Variants in AHR observed in about 807,000 individuals in gnomAD.
The protein encoded by AHR is AH-receptor.
AHR carries 40 observed loss-of-function variants against 86.8 expected under a neutral mutation model. The observed-to-expected ratio is 0.46, with a 90% confidence interval of 0.36 to 0.60. The LOEUF (loss-of-function observed/expected upper bound fraction) is 0.60. Ranked by LOEUF, AHR falls within the 20% of genes least tolerant of loss-of-function variation. AHR has a pLI of 0.00. For synonymous variants in AHR, 398 were observed against 354.9 expected (o/e 1.12, Z -1.37); for missense variants, 1,001 against 1,011.6 (o/e 0.99, Z 0.14).
chr7:17,306,502 T>C lies in AHR; in HGVS notation c.66-3434T>C, dbSNP rs2282884. Among the ~76,000 whole-genome samples the C allele has an allele frequency of 7.4e-3, 1,131 of 152,274 alleles. 45 individuals are homozygous for C. In the South Asian group the frequency reaches 0.11, roughly 15 times the overall value. On this transcript the variant is annotated intron_variant, in intron 1 of 10. Coordinates refer to ENST00000242057, the MANE Select transcript of AHR (RefSeq NM_001621.5). ...GTGTATTTGACTTTCTTCCTCTGTG[T>C]ATTTGACTTTCTTCTATGACCTCCA...
intron 2 of AHR, among the ~76,000 whole-genome samples, chr7:17,315,790 T>C (rs533138746): frequency 6.6e-6 from 1 of 151,908 alleles, no homozygotes; most frequent in Non-Finnish European, 1.5e-5. Flanking sequence ...AAGAAATTTT[T>C]ATTTGGTAAT....
At chr7:17,313,996 T>C (rs1469500045) in intron 2 of AHR, among the ~76,000 whole-genome samples, 1 of 152,162 alleles carries the variant, frequency 6.6e-6, no homozygotes, top group African/African-American at 2.4e-5. Context: ...CAGCATATCT[T>C]TAATACAATT....
intron 10 of AHR, among the ~76,000 whole-genome samples, chr7:17,340,850 C>T (rs747436552): frequency 6.6e-6 from 1 of 152,028 alleles, no homozygotes; most frequent in Non-Finnish European, 1.5e-5. Context: ...TTCTGGCTTT[C>T]TTAAAAGAGG....
chr7:17,317,120 T>TTTG (rs993070554), intron 2 of AHR, among the ~76,000 whole-genome samples: 3 of 149,762 alleles, frequency 2.0e-5, no homozygotes, highest in Non-Finnish European at 3.0e-5. Context: ...AATTTTGTTT[T>TTTG]TTTTTTTTTT....
At chr7:17,327,155 A>G (rs1782238534) in intron 3 of AHR, among the ~76,000 whole-genome samples, 1 of 152,088 alleles carries the variant, frequency 6.6e-6, no homozygotes. Flanking sequence ...CACATATAAA[A>G]TGATAAATTT....
chr7:17,338,913 C>T (rs951921533), intron 9 of AHR, 73 bp from the exon 10 acceptor site: 41 of 1,378,470 alleles, frequency 3.0e-5, no homozygotes, highest in Non-Finnish European at 3.7e-5. Context: ...TTATGTTTTT[C>T]TTTTTTAAAT....
At chr7:17,322,040 C>G (rs905093130) in intron 2 of AHR, among the ~76,000 whole-genome samples, 1 of 151,810 alleles carries the variant, frequency 6.6e-6, no homozygotes, top group African/African-American at 2.4e-5. Context: ...TGTATAGTTG[C>G]TTTTTTTCTC....
In AHR at chr7:17,335,796, A is replaced by C. The variant is rs182175005; in HGVS notation, c.1160+10A>C. On this transcript the variant is annotated intron_variant, in intron 9 of 10. Transcript: ENST00000242057. ...CTCAGAGACCACTAACGTAAGCACA[A>C]ATAATGTTTCCTGTTTTAACAGTTT... 1 of 1,607,240 alleles carries C rather than the reference A, an allele frequency of 6.2e-7. No homozygotes were observed. Among genetic ancestry groups the C allele is most frequent in the Non-Finnish European group, 8.5e-7 (1 of 1,177,682 alleles).
At chr7:17,337,392 T>G (rs1782364468) in intron 9 of AHR, among the ~76,000 whole-genome samples, 1 of 152,114 alleles carries the variant, frequency 6.6e-6, no homozygotes, top group African/African-American at 2.4e-5. Context: ...TATACATTTG[T>G]TGATATTTTA....
chr7:17,325,781 T>TG (rs974213330), intron 3 of AHR, among the ~76,000 whole-genome samples: 1 of 152,018 alleles, frequency 6.6e-6, no homozygotes, highest in Non-Finnish European at 1.5e-5. Flanking sequence ...CAACACACAC[T>TG]GGGGCCGTTT....
intron 1 of AHR, among the ~76,000 whole-genome samples, chr7:17,308,700 A>C (rs368227729): frequency 5.7e-5 from 8 of 139,508 alleles, no homozygotes; most frequent in African/African-American, 1.8e-4. Flanking sequence ...TACATACATA[A>C]ACACACACAC....
intron 9 of AHR, chr7:17,336,150 A>G (rs1782352560): frequency 6.0e-6 from 1 of 165,600 alleles, no homozygotes; most frequent in African/African-American, 2.4e-5. Context: ...CATGCTGCAG[A>G]TGAGTCCTTT....
At position 17,334,100 on chromosome 7, in the gene AHR, T is replaced by C; in HGVS notation, c.894T>C (p.Ile298=). 1.2e-6 allele frequency: 2 copies of C among 1,612,826 alleles called. No individual in the cohort carries two copies. Among genetic ancestry groups the C allele is most frequent in the Non-Finnish European group, 1.7e-6 (2 of 1,179,026 alleles). The change falls in exon 7 of 11, where the codon ATT becomes ATC. Residue 298 remains isoleucine, a synonymous_variant. Transcript: ENST00000242057. ...AACACAAACTAGACTTCACACCTAT[T>C]GGTTGTGATGCCAAGTAAGTGAGAC... The part of the protein sequence containing the change: ...RTKHKLDFTP[I]GCDAKGRIVL...
rs1310427374 is a variant in AHR at position 17,344,237 on chromosome 7, C to T, written c.*1173C>T. On this transcript the variant is annotated 3_prime_UTR_variant, in exon 11 of 11. Transcript: ENST00000242057. ...AACAGTGGAAACTATGTGTTTTTCTCATATTTGAGGAGTGTTAAGATTGCA... is the reference window on the plus strand; with the variant it reads ...AACAGTGGAAACTATGTGTTTTTCTTATATTTGAGGAGTGTTAAGATTGCA... 1.3e-5 allele frequency: 2 copies of T among 152,676 alleles called. No homozygotes were observed. Among genetic ancestry groups the T allele is most frequent in the East Asian group, 1.9e-4 (1 of 5,336 alleles). 9.5% of individuals were successfully genotyped at this position (152,676 alleles called of 1,614,324 possible).
At chr7:17,308,248 C>T (rs896969215) in intron 1 of AHR, among the ~76,000 whole-genome samples, 1 of 152,152 alleles carries the variant, frequency 6.6e-6, no homozygotes, top group African/African-American at 2.4e-5. Context: ...CCTCTCCCTT[C>T]ATGTGGGGGA....
At chr7:17,318,247 T>C (rs925851371) in intron 2 of AHR, among the ~76,000 whole-genome samples, 1 of 151,978 alleles carries the variant, frequency 6.6e-6, no homozygotes, top group African/African-American at 2.4e-5. Flanking sequence ...ATTCAAAGCA[T>C]GTGATATGAA....
chr7:17,299,440 T>G, intron 1 of AHR, 111 bp downstream of exon 1: 2 of 1,197,874 alleles, frequency 1.7e-6, no homozygotes, highest in Non-Finnish European at 2.3e-6. Context: ...ATTAGGTCCA[T>G]TCCCGGCACT....
intron 2 of AHR, among the ~76,000 whole-genome samples, chr7:17,311,787 T>G (rs533045563): frequency 6.6e-6 from 1 of 152,308 alleles, no homozygotes; most frequent in South Asian, 2.1e-4. Context: ...TGTAAGTATG[T>G]GTGTATTAGC....
intron 1 of AHR, among the ~76,000 whole-genome samples, chr7:17,303,654 T>C (rs1781976303): frequency 6.6e-6 from 1 of 152,072 alleles, no homozygotes; most frequent in African/African-American, 2.4e-5. Flanking sequence ...TGTTTTTCTT[T>C]TGGGAGGAAA....
Sources: allele counts gnomAD v4.1 joint callset (sites outside exome capture counted in the v4.1 genomes callset), GRCh38; gene constraint gnomAD v4.1.1; transcripts MANE v1.5; gene names NCBI Gene and HGNC (gene_info 2026-07-23, HGNC 2026-07-21).